Variants in YTHDC2 observed in about 807,000 individuals in gnomAD.
YTHDC2 encodes YTH N6-methyladenosine RNA binding protein C2.
YTHDC2 carries 45 observed loss-of-function variants against 174.9 expected under a neutral mutation model. The observed-to-expected ratio is 0.26, with a 90% confidence interval of 0.20 to 0.33. The LOEUF (loss-of-function observed/expected upper bound fraction) is 0.33, where lower values mean the gene tolerates loss of function less well. Among genes scored for constraint, YTHDC2 ranks in the 10% least tolerant of loss-of-function variants. YTHDC2 has a pLI of 1.00. For missense variants in YTHDC2, 1,650 were observed against 1,723.7 expected (o/e 0.96, Z 0.76); for synonymous variants, 657 against 574.5 (o/e 1.14, Z -2.05).
chr5:113,586,900 A>G, intron 26 of YTHDC2, among the ~76,000 whole-genome samples: 1 of 132,684 alleles, frequency 7.5e-6, no homozygotes, highest in South Asian at 2.2e-4. Context: ...ATATAAATAT[A>G]TATTATGTAT....
intron 24 of YTHDC2, 147 bp downstream of exon 24, chr5:113,579,842 C>G: frequency 7.7e-7 from 1 of 1,300,516 alleles, no homozygotes; most frequent in Non-Finnish European, 9.8e-7. Context: ...GGACCTCATT[C>G]ATTCTCTTCT....
intron 5 of YTHDC2, 41 bp downstream of exon 5, chr5:113,533,086 A>T: frequency 6.2e-7 from 1 of 1,600,996 alleles, no homozygotes; most frequent in Non-Finnish European, 8.5e-7. Flanking sequence ...TATCATGCTT[A>T]AAAAAGACTA....
In YTHDC2 at chr5:113,553,930, A is replaced by G. The variant is rs1776437035; in HGVS notation, c.2053-12A>G. The stretch of plus-strand genomic sequence containing the variant: ...GTTTTTTTATTAACTTTAAAGTAAT[A>G]TCTTGTTGCAGATTCTTTCCACCAA... On this transcript the variant is annotated splice_polypyrimidine_tract_variant and intron_variant, in intron 15 of 29. Coordinates refer to ENST00000161863, the MANE Select transcript of YTHDC2 (RefSeq NM_022828.5). 6.3e-7 allele frequency: 1 copy of G among 1,581,972 alleles called. No homozygotes were observed. Among genetic ancestry groups the G allele is most frequent in the African/African-American group, 1.4e-5 (1 of 72,998 alleles).
At chr5:113,582,501 A>G (rs1275697085) in intron 25 of YTHDC2, 1 of 152,210 alleles carries the variant, frequency 6.6e-6, no homozygotes, top group Non-Finnish European at 1.5e-5. Context: ...TTATAAAAAC[A>G]TTTGTTAGAA....
At chr5:113,569,343 T>A (rs1316302137) in intron 23 of YTHDC2, among the ~76,000 whole-genome samples, 4 of 152,186 alleles carry the variant, frequency 2.6e-5, no homozygotes, top group African/African-American at 9.7e-5. Flanking sequence ...GAAACTTTAG[T>A]TTAATTAGAT....
At chr5:113,564,196 A>G (rs1777190001) in intron 20 of YTHDC2, 65 bp downstream of exon 20, 16 of 1,447,194 alleles carry the variant, frequency 1.1e-5, no homozygotes, top group African/African-American at 1.4e-5. Context: ...GGGCAAATGT[A>G]GGAATTTTAA....
At chr5:113,560,486 A>G (rs1005331201) in intron 17 of YTHDC2, among the ~76,000 whole-genome samples, 8 of 152,168 alleles carry the variant, frequency 5.3e-5, no homozygotes, top group African/African-American at 1.4e-4. Context: ...ATGATTGCCT[A>G]TCTGGGTTGT....
chr5:113,588,597 C>CATTTATTT (rs139378923), intron 26 of YTHDC2, among the ~76,000 whole-genome samples: 1,860 of 148,810 alleles, frequency 0.012, 35 homozygotes, highest in African/African-American at 0.038. Flanking sequence ...CTTATGAAGC[C>CATTTATTT]ATTTATTTAT....
chr5:113,565,970 A>G lies in YTHDC2; in HGVS notation c.2793A>G (p.Glu931=). The change falls in exon 21 of 30, where the codon GAA becomes GAG. Residue 931 remains glutamate, a synonymous_variant. Coordinates refer to ENST00000161863, the MANE Select transcript of YTHDC2 (RefSeq NM_022828.5). ...EKNFLSQATM[E]IIIGMRTQLL... ...ATTTTCTTTCACAGGCTACTATGGA[A>G]ATAATCATAGGCATGAGAACACAGT... The G allele has an allele frequency of 6.2e-7, 1 of 1,613,294 alleles. No individual in the cohort carries two copies. Among genetic ancestry groups the G allele is most frequent in the Non-Finnish European group, 8.5e-7 (1 of 1,179,618 alleles).
intron 23 of YTHDC2, among the ~76,000 whole-genome samples, chr5:113,570,063 C>T (rs918560520): frequency 1.3e-5 from 2 of 151,920 alleles, no homozygotes; most frequent in Admixed American, 6.6e-5. Flanking sequence ...CCCTTATTAG[C>T]TGTATTCCTA....
chr5:113,575,430 C>A (rs760172443), intron 23 of YTHDC2, among the ~76,000 whole-genome samples: 1 of 152,142 alleles, frequency 6.6e-6, no homozygotes, highest in Admixed American at 6.5e-5. Context: ...CAAAGAGGAT[C>A]GCCTTAGGGG....
At chr5:113,539,530 A>T (rs1456096993) in intron 8 of YTHDC2, among the ~76,000 whole-genome samples, 1 of 152,228 alleles carries the variant, frequency 6.6e-6, no homozygotes. Context: ...TGAAAAAAGT[A>T]GTATGTGATT....
intron 26 of YTHDC2, among the ~76,000 whole-genome samples, chr5:113,587,971 C>G (rs1026906356): frequency 6.6e-6 from 1 of 151,936 alleles, no homozygotes; most frequent in Non-Finnish European, 1.5e-5. Flanking sequence ...ACAAGTATTA[C>G]AATTTTTTGT....
intron 7 of YTHDC2, 128 bp downstream of exon 7, chr5:113,535,926 GCTTAAT>G: frequency 1.4e-6 from 1 of 698,574 alleles, no homozygotes. Flanking sequence ...CCTGAGATAG[GCTTAAT>G]TGTCACTTCT....
At chr5:113,564,187 G>A (rs1777189579) in intron 20 of YTHDC2, 56 bp downstream of exon 20, 1 of 1,455,836 alleles carries the variant, frequency 6.9e-7, no homozygotes, top group Non-Finnish European at 9.1e-7. Context: ...ACGTTTCTGG[G>A]GCAAATGTAG....
chr5:113,578,423 A>G (rs573916102), intron 23 of YTHDC2, among the ~76,000 whole-genome samples: 1 of 152,172 alleles, frequency 6.6e-6, no homozygotes, highest in African/African-American at 2.4e-5. Flanking sequence ...AAATTTGTTG[A>G]ATTTACTAAA....
At chr5:113,585,976 T>G (rs1778660706) in intron 26 of YTHDC2, among the ~76,000 whole-genome samples, 3 of 152,080 alleles carry the variant, frequency 2.0e-5, no homozygotes, top group Admixed American at 1.3e-4. Flanking sequence ...AACATTCAAG[T>G]AAAATCTTTG....
At chr5:113,579,836 C>T in intron 24 of YTHDC2, 141 bp downstream of exon 24, 1 of 1,293,338 alleles carries the variant, frequency 7.7e-7, no homozygotes, top group African/African-American at 1.5e-5. Context: ...TCTTGGGGAC[C>T]TCATTCATTC....
chr5:113,544,523 A>G (rs1374867905), intron 10 of YTHDC2, among the ~76,000 whole-genome samples: 1 of 152,178 alleles, frequency 6.6e-6, no homozygotes, highest in Non-Finnish European at 1.5e-5. Flanking sequence ...CAGGAAGTTC[A>G]CTACCTTTCT....
Sources: allele counts gnomAD v4.1 joint callset (sites outside exome capture counted in the v4.1 genomes callset), GRCh38; gene constraint gnomAD v4.1.1; transcripts MANE v1.5; gene names NCBI Gene and HGNC (gene_info 2026-07-23, HGNC 2026-07-21).